C20orf203: variants seen among roughly 807,000 people sequenced by gnomAD.
The protein encoded by C20orf203 is uncharacterized protein C20orf203.
In C20orf203, 16 loss-of-function variants were observed where a neutral mutation model predicts 15.9. The observed-to-expected ratio is 1.01, with a 90% CI of 0.68 to 1.53. The LOEUF is 1.53. Among genes scored for constraint, C20orf203 ranks in the 40% most tolerant of loss-of-function variants. The pLI, the probability that C20orf203 is intolerant of heterozygous loss-of-function variation, is 0.00. For missense variants in C20orf203, 263 were observed against 247.5 expected (o/e 1.06, Z -0.42); for synonymous variants, 98 against 97.2 (o/e 1.01, Z -0.05).
At chr20:32,653,021 T>A (rs1290387339) in intron 1 of C20orf203, among the ~76,000 whole-genome samples, 1 of 152,176 alleles carries the variant, frequency 6.6e-6, no homozygotes, top group Non-Finnish European at 1.5e-5. Context: ...AGCCAGCAGC[T>A]CCTGGAAAAT....
intron 1 of C20orf203, among the ~76,000 whole-genome samples, chr20:32,658,497 T>C (rs568108372): frequency 6.6e-6 from 1 of 151,932 alleles, no homozygotes; most frequent in Non-Finnish European, 1.5e-5. Context: ...CTTGCTATAT[T>C]GCCCAGGCTG....
At chr20:32,667,373 G>T (rs1469471083) in intron 1 of C20orf203, among the ~76,000 whole-genome samples, 1 of 152,248 alleles carries the variant, frequency 6.6e-6, no homozygotes, top group Non-Finnish European at 1.5e-5. Flanking sequence ...TGGGCTGAAG[G>T]TGGCCTAGAG....
intron 1 of C20orf203, among the ~76,000 whole-genome samples, chr20:32,653,876 T>A (rs894037777): frequency 1.3e-5 from 2 of 152,108 alleles, no homozygotes; most frequent in African/African-American, 4.8e-5. Flanking sequence ...GTGGATCACC[T>A]AAGGTCAGGA....
intron 1 of C20orf203, among the ~76,000 whole-genome samples, chr20:32,672,416 CATAT>C (rs1461492932): frequency 6.6e-6 from 1 of 151,616 alleles, no homozygotes; most frequent in African/African-American, 2.4e-5. Flanking sequence ...TACATACATA[CATAT>C]GTATTAGCTG....
At position 32,633,529 on chromosome 20, in the gene C20orf203, C is replaced by T. The variant is rs1982056824; in HGVS notation, c.*2041G>A. 1 of 152,314 alleles carries T rather than the reference C, an allele frequency of 6.6e-6. No individual in the cohort carries two copies. Among genetic ancestry groups the T allele is most frequent in the African/African-American group, 2.4e-5 (1 of 41,424 alleles). The allele number at this position is 152,314 out of a possible 1,614,324, so 9.4% of individuals were successfully genotyped here. A position where few individuals can be genotyped will look rare whatever the true frequency, so the allele number is the denominator to read the frequency against. ...ACCACTGTGGTCAGCTCCTTCTCAG[C>T]CTCCTGTCCTGGGCCCACAGCAGAC... On this transcript the variant is annotated 3_prime_UTR_variant, in exon 6 of 6. Coordinates refer to ENST00000608990, the MANE Select transcript of C20orf203 (RefSeq NM_182584.4).
chr20:32,642,570 G>GT (rs531647689), intron 4 of C20orf203, among the ~76,000 whole-genome samples: 6 of 152,194 alleles, frequency 3.9e-5, no homozygotes, highest in Non-Finnish European at 8.8e-5. Flanking sequence ...TATCTGGCCT[G>GT]TTTTTACGTG....
chr20:32,648,091 G>A (rs555599744), intron 4 of C20orf203, among the ~76,000 whole-genome samples: 4 of 152,346 alleles, frequency 2.6e-5, no homozygotes, highest in Non-Finnish European at 1.5e-5. Flanking sequence ...ACTTGCCCAA[G>A]GCCACACAGT....
At position 32,640,626 on chromosome 20, in the gene C20orf203, G is replaced by A. The variant is rs1568745745; in HGVS notation, c.*1239C>T. The A allele has an allele frequency of 6.6e-6, 1 of 152,142 alleles. No homozygotes were observed. Among genetic ancestry groups the A allele is most frequent in the Non-Finnish European group, 1.5e-5 (1 of 68,046 alleles). 9.4% of individuals were successfully genotyped at this position (152,142 alleles called of 1,614,324 possible). A position where few individuals can be genotyped will look rare whatever the true frequency, so the allele number is the denominator to read the frequency against. ...GAATCACTTGAACCCGGAAGGTGGA[G>A]GTTGCAGCGAGCTGAGATCACGCCA... On this transcript the variant is annotated 3_prime_UTR_variant, in exon 5 of 6. Coordinates refer to ENST00000608990, the MANE Select transcript of C20orf203 (RefSeq NM_182584.4).
chr20:32,669,578 G>A (rs935603698), intron 1 of C20orf203, among the ~76,000 whole-genome samples: 1 of 152,142 alleles, frequency 6.6e-6, no homozygotes, highest in African/African-American at 2.4e-5. Flanking sequence ...AGAACCAAAC[G>A]ACAAATGGTG....
Position 32,633,696 on chromosome 20 carries a change from T to A in C20orf203, c.*1874A>T, listed in dbSNP as rs1380020931. The A allele has an allele frequency of 3.7e-6, 1 of 272,522 alleles. No individual in the cohort carries two copies. Among genetic ancestry groups the A allele is most frequent in the East Asian group, 6.4e-5 (1 of 15,628 alleles). The allele number at this position is 272,522 out of a possible 1,614,324, so 16.9% of individuals were successfully genotyped here. ...ACCTGGACAGGGGCTCCAGAGCCCA[T>A]GACACGTTTCCCTCTTGTAGAAGGT... On this transcript the variant is annotated 3_prime_UTR_variant, in exon 6 of 6. Coordinates refer to ENST00000608990, the MANE Select transcript of C20orf203 (RefSeq NM_182584.4).
At position 32,632,242 on chromosome 20, in the gene C20orf203, G is replaced by C. The variant is rs141130801; in HGVS notation, c.*3328C>G. ...AGTCAGCAAGGTCAGGAGTGGGAGA[G>C]GGGAGAAGGCCTTTCATGGAGCACT... is the stretch of plus-strand genomic sequence containing the variant. On this transcript the variant is annotated 3_prime_UTR_variant, in exon 6 of 6. Coordinates refer to ENST00000608990, the MANE Select transcript of C20orf203 (RefSeq NM_182584.4). 106 of 152,386 alleles carry C rather than the reference G, an allele frequency of 7.0e-4. No individual in the cohort carries two copies. Among genetic ancestry groups the C allele is most frequent in the African/African-American group, 2.5e-3 (102 of 41,574 alleles). 9.4% of individuals were successfully genotyped at this position (152,386 alleles called of 1,614,324 possible). A position where few individuals can be genotyped will look rare whatever the true frequency, so the allele number is the denominator to read the frequency against.
intron 4 of C20orf203, among the ~76,000 whole-genome samples, chr20:32,642,121 G>A (rs1368859234): frequency 1.3e-5 from 2 of 152,198 alleles, no homozygotes; most frequent in African/African-American, 4.8e-5. Context: ...GATTACAGGT[G>A]TGAGCCACTG....
chr20:32,643,561 A>C (rs1982339792), intron 4 of C20orf203, among the ~76,000 whole-genome samples: 1 of 151,802 alleles, frequency 6.6e-6, no homozygotes, highest in African/African-American at 2.4e-5. Flanking sequence ...CTCTAGGAAA[A>C]TAAAAAAGGG....
chr20:32,661,507 C>T lies in C20orf203; in HGVS notation c.-263-9526G>A. ...CCCTCCAGAAACCTTTCTTGCATGA[C>T]CCCTGAACCCTGAACACAAGGCAGA... is the stretch of plus-strand genomic sequence containing the variant. On this transcript the variant is annotated intron_variant, in intron 1 of 5. Coordinates refer to ENST00000608990, the MANE Select transcript of C20orf203 (RefSeq NM_182584.4). Among the ~76,000 whole-genome samples, 2 of 152,156 alleles carry T rather than the reference C, an allele frequency of 1.3e-5. 1 individual carries two copies. The highest frequency in any genetic ancestry group is 3.8e-4 in the East Asian group (2 of 5,196).
rs367964394 is a variant in C20orf203 at position 32,666,797 on chromosome 20, T to TTTTATATATATA, written c.-264+6834_-264+6835insTATATATATAAA. On this transcript the variant is annotated intron_variant, in intron 1 of 5. Coordinates refer to ENST00000608990, the MANE Select transcript of C20orf203 (RefSeq NM_182584.4). ...AAAAAAAGATGAAATTAATTTTAATTTATATATATATATATATATATATAT... is the reference window on the plus strand; with the variant it reads ...AAAAAAAGATGAAATTAATTTTAATTTTTATATATATATATATATATATATATATATATATAT... Among the ~76,000 whole-genome samples, 407 of 65,566 alleles carry TTTTATATATATA rather than the reference T, an allele frequency of 6.2e-3. 10 individuals carry two copies. Among genetic ancestry groups the TTTTATATATATA allele is most frequent in the Middle Eastern group, 0.018 (1 of 56 alleles). 43.0% of individuals were successfully genotyped at this position (65,566 alleles called of 152,430 possible).
chr20:32,655,829 G>C (rs1982740685), intron 1 of C20orf203, among the ~76,000 whole-genome samples: 1 of 152,166 alleles, frequency 6.6e-6, no homozygotes, highest in Admixed American at 6.5e-5. Context: ...AGGCAGATAT[G>C]GTTGGGATGT....
chr20:32,634,783 TA>T (rs1175589330), intron 5 of C20orf203, among the ~76,000 whole-genome samples: 6 of 152,154 alleles, frequency 3.9e-5, no homozygotes, highest in Non-Finnish European at 7.3e-5. Flanking sequence ...AACTATTTTT[TA>T]TTAGGAGACC....
At chr20:32,639,820 T>C (rs1982232837) in intron 5 of C20orf203, among the ~76,000 whole-genome samples, 5 of 152,074 alleles carry the variant, frequency 3.3e-5, no homozygotes, top group Admixed American at 3.3e-4. Context: ...ATGATATGTT[T>C]GAAGCATACA....
At chr20:32,656,293 A>G (rs1259550599) in intron 1 of C20orf203, among the ~76,000 whole-genome samples, 1 of 152,240 alleles carries the variant, frequency 6.6e-6, no homozygotes, top group Admixed American at 6.5e-5. Context: ...ATGAAAAGAT[A>G]CTCAACATCA....
Sources: allele counts gnomAD v4.1 joint callset (sites outside exome capture counted in the v4.1 genomes callset), GRCh38; gene constraint gnomAD v4.1.1; transcripts MANE v1.5; gene names NCBI Gene and HGNC (gene_info 2026-07-23, HGNC 2026-07-21).